The following SQSTM1 variants were observed in gnomAD, a reference collection of about 807,000 sequenced individuals.
SQSTM1 encodes sequestosome 1, also known as sequestosome-1.
SQSTM1 carries 36 observed loss-of-function variants against 45.1 expected under a neutral mutation model. That is an observed-to-expected ratio of 0.80 (90% confidence interval 0.61 to 1.05). SQSTM1 has a LOEUF of 1.05. Among genes scored for constraint, SQSTM1 ranks in the 50% least tolerant of loss-of-function variants. SQSTM1 has a pLI of 0.00. For synonymous variants in SQSTM1, 290 were observed against 244.3 expected (o/e 1.19, Z -1.74); for missense variants, 617 against 607.1 (o/e 1.02, Z -0.17).
chr5:179,830,533 C>T (rs1451995663), intron 5 of SQSTM1, among the ~76,000 whole-genome samples: 1 of 151,870 alleles, frequency 6.6e-6, no homozygotes, highest in Non-Finnish European at 1.5e-5. Flanking sequence ...AGGCATGTGC[C>T]ACTGTGCCTA....
chr5:179,810,531 T>G (rs928581223), intron 1 of SQSTM1, among the ~76,000 whole-genome samples: 21 of 152,334 alleles, frequency 1.4e-4, no homozygotes, highest in South Asian at 2.1e-4. Context: ...GACATTTGGG[T>G]TGGTTCCAAG....
chr5:179,833,799 G>A lies in SQSTM1; in HGVS notation c.1165+17G>A, dbSNP rs1318950762. 1 of 1,613,734 alleles carries A rather than the reference G, an allele frequency of 6.2e-7. No individual in the cohort carries two copies. On this transcript the variant is annotated intron_variant, in intron 7 of 7. Transcript: ENST00000389805. ...TCCCGCCAGGCAAGTGAACCAAGAG[G>A]TTTTGTACATATTCCTACCTTTCCC... is the stretch of plus-strand genomic sequence containing the variant.
In SQSTM1 at chr5:179,836,793, TG is replaced by T; in HGVS notation, c.*203del. The T allele has an allele frequency of 1.2e-6, 1 of 813,378 alleles. No individual in the cohort carries two copies. Among genetic ancestry groups the T allele is most frequent in the African/African-American group, 1.7e-5 (1 of 59,194 alleles). 50.4% of individuals were successfully genotyped at this position (813,378 alleles called of 1,614,324 possible). On this transcript the variant is annotated 3_prime_UTR_variant, in exon 8 of 8. Coordinates refer to ENST00000389805, the MANE Select transcript of SQSTM1 (RefSeq NM_003900.5). ...TGTGTGTGTGTGTGCTGATGTTTCCTGGGTGCCCTGGCTCCTTGCAGCAGGG... is the reference window on the plus strand; with the variant it reads ...TGTGTGTGTGTGTGCTGATGTTTCCTGGTGCCCTGGCTCCTTGCAGCAGGG...
chr5:179,822,392 G>A, intron 1 of SQSTM1: 1 of 173,032 alleles, frequency 5.8e-6, no homozygotes, highest in Non-Finnish European at 1.3e-5. Context: ...GGATGGCGTG[G>A]TTTGGTCTGC....
intron 1 of SQSTM1, among the ~76,000 whole-genome samples, chr5:179,810,405 G>GAT (rs1757362554): frequency 6.6e-6 from 1 of 152,148 alleles, no homozygotes; most frequent in Non-Finnish European, 1.5e-5. Context: ...TGCTCAGAAT[G>GAT]GTTTCCAGCT....
At chr5:179,832,483 C>T (rs574721266) in intron 5 of SQSTM1, among the ~76,000 whole-genome samples, 38 of 152,280 alleles carry the variant, frequency 2.5e-4, no homozygotes, top group African/African-American at 7.7e-4. Context: ...GCGTGTGTGT[C>T]GTCGCACAAA....
intron 7 of SQSTM1, among the ~76,000 whole-genome samples, chr5:179,834,443 C>A (rs1037288764): frequency 6.7e-6 from 1 of 149,380 alleles, no homozygotes; most frequent in African/African-American, 2.5e-5. Flanking sequence ...ATTGATCATT[C>A]TTGGGTGTTT....
At position 179,836,777 on chromosome 5, in the gene SQSTM1, G is replaced by C. The variant is rs1332989748; in HGVS notation, c.*184G>C. ...ATGAAGGGAGGGTCCCTGTGTGTGT[G>C]TGTGCTGATGTTTCCTGGGTGCCCT... is the stretch of plus-strand genomic sequence containing the variant. On this transcript the variant is annotated 3_prime_UTR_variant, in exon 8 of 8. Transcript: ENST00000389805. 18 of 892,992 alleles carry C rather than the reference G, an allele frequency of 2.0e-5. No homozygotes were observed. In the East Asian group the frequency reaches 3.6e-4, roughly 18 times the overall value. 55.3% of individuals were successfully genotyped at this position (892,992 alleles called of 1,614,324 possible).
At chr5:179,818,138 G>A (rs1283532778), upstream of SQSTM1, among the ~76,000 whole-genome samples, 2 of 152,088 alleles carry the variant, frequency 1.3e-5, no homozygotes, top group Non-Finnish European at 2.9e-5. Context: ...TGTAGGGCAG[G>A]AGTGGAAAGG....
At chr5:179,816,643 G>A (rs1029805861), upstream of SQSTM1, among the ~76,000 whole-genome samples, 2 of 152,144 alleles carry the variant, frequency 1.3e-5, no homozygotes, top group Non-Finnish European at 2.9e-5. Flanking sequence ...CCCCCACCTC[G>A]CTCCAGATTC....
chr5:179,810,855 T>C (rs1309414599), intron 1 of SQSTM1, among the ~76,000 whole-genome samples: 1 of 152,174 alleles, frequency 6.6e-6, no homozygotes, highest in Non-Finnish European at 1.5e-5. Context: ...TTTGCATTTC[T>C]CTGATGGCCA....
chr5:179,820,579 G>C (rs1757734879), upstream of SQSTM1: 1 of 224,580 alleles, frequency 4.5e-6, no homozygotes, highest in African/African-American at 2.3e-5. Context: ...GCCCAAGCCT[G>C]GGAGGGGCGA....
chr5:179,811,382 GGGGGAGGAGCTATGCA>G (rs1273881540), intron 1 of SQSTM1, among the ~76,000 whole-genome samples: 1 of 42,120 alleles, frequency 2.4e-5, no homozygotes, highest in Non-Finnish European at 6.1e-5. Flanking sequence ...GGAGCATGCA[GGGGGAGGAGCTATGCA>G]GGGGGAGGAG....
intron 7 of SQSTM1, chr5:179,835,922 G>C (rs1452089326): frequency 9.1e-6 from 2 of 218,866 alleles, no homozygotes; most frequent in African/African-American, 4.6e-5. Context: ...TTGATGGGCA[G>C]TTAGGTTGGT....
At position 179,837,663 on chromosome 5, in the gene SQSTM1, G is replaced by A; in HGVS notation, c.*1070G>A. 1.2e-6 allele frequency: 2 copies of A among 1,614,184 alleles called. No homozygotes were observed. The highest frequency in any genetic ancestry group is 1.7e-6 in the Non-Finnish European group (2 of 1,180,026). On this transcript the variant is annotated 3_prime_UTR_variant, in exon 8 of 8. Transcript: ENST00000389805. ...GCCTGTGCTGGACCAGCTGGCCTGGGGTCCCTCTGAAGAGACCTTGGCTGC... is the reference window on the plus strand; with the variant it reads ...GCCTGTGCTGGACCAGCTGGCCTGGAGTCCCTCTGAAGAGACCTTGGCTGC...
intron 1 of SQSTM1, among the ~76,000 whole-genome samples, chr5:179,810,820 A>C (rs1248341109): frequency 3.9e-5 from 6 of 152,128 alleles, no homozygotes; most frequent in African/African-American, 1.4e-4. Context: ...AACTGGTGTG[A>C]GATGCTATCT....
Position 179,823,845 on chromosome 5 carries a change from A to G in SQSTM1, c.302-13A>G, listed in dbSNP as rs1757883013. On this transcript the variant is annotated splice_polypyrimidine_tract_variant and intron_variant, in intron 2 of 7. Coordinates refer to ENST00000389805, the MANE Select transcript of SQSTM1 (RefSeq NM_003900.5). ...GGGTCCCACCCTAGCGGCTCTCTTT[A>G]CCCTTCCTGTAGAGAAAAAAGAGTG... 3.1e-6 allele frequency: 5 copies of G among 1,609,534 alleles called. No homozygotes were observed. Among genetic ancestry groups the G allele is most frequent in the Non-Finnish European group, 4.2e-6 (5 of 1,179,630 alleles).
At chr5:179,826,599 T>TTG (rs386405818) in intron 5 of SQSTM1, among the ~76,000 whole-genome samples, 1 of 33,178 alleles carries the variant, frequency 3.0e-5, no homozygotes, top group Non-Finnish European at 5.8e-5. Context: ...CGCTAGTCTG[T>TTG]TTTTTTTTTT....
At chr5:179,812,983 G>A (rs1308747571) in intron 2 of SQSTM1, 2 of 74,452 alleles carry the variant, frequency 2.7e-5, no homozygotes, top group Non-Finnish European at 6.4e-5. Context: ...TTCAAAACAT[G>A]GTCCCCCCCC....
Sources: allele counts gnomAD v4.1 joint callset (sites outside exome capture counted in the v4.1 genomes callset), GRCh38; gene constraint gnomAD v4.1.1; transcripts MANE v1.5; gene names NCBI Gene and HGNC (gene_info 2026-07-23, HGNC 2026-07-21).